The following ALK variants were observed in gnomAD, a reference collection of about 807,000 sequenced individuals.
ALK encodes the protein ALK receptor tyrosine kinase, also known as ALK tyrosine kinase receptor.
A neutral mutation model predicts 163.1 loss-of-function variants in ALK; 74 were observed. That is an observed-to-expected ratio of 0.45 (90% CI 0.38 to 0.55). The LOEUF (loss-of-function observed/expected upper bound fraction) is 0.55. Ranked by LOEUF, ALK falls within the 20% of genes least tolerant of loss-of-function variation. The pLI is 0.00. For missense variants in ALK, 2,063 were observed against 2,105.3 expected (o/e 0.98, Z 0.39); for synonymous variants, 960 against 843.2 (o/e 1.14, Z -2.40).
chr2:29,593,933 T>C (rs1337292878), intron 3 of ALK, among the ~76,000 whole-genome samples: 2 of 152,222 alleles, frequency 1.3e-5, no homozygotes, highest in Non-Finnish European at 2.9e-5. Context: ...TATTAAAATA[T>C]GCGAACTTAC....
chr2:29,460,004 A>C (rs1032466997), intron 4 of ALK, among the ~76,000 whole-genome samples: 1 of 152,166 alleles, frequency 6.6e-6, no homozygotes, highest in Admixed American at 6.5e-5. Flanking sequence ...GCAAGTACAC[A>C]GTGGATCCTC....
intron 4 of ALK, among the ~76,000 whole-genome samples, chr2:29,517,576 A>G (rs1672705495): frequency 6.6e-6 from 1 of 152,158 alleles, no homozygotes; most frequent in African/African-American, 2.4e-5. Context: ...TGATTGAAAA[A>G]GCATTAATCA....
intron 1 of ALK, among the ~76,000 whole-genome samples, chr2:29,787,444 C>T (rs1185455282): frequency 6.6e-6 from 1 of 152,182 alleles, no homozygotes; most frequent in Non-Finnish European, 1.5e-5. Context: ...TATACACTGG[C>T]ACCAAAGCAC....
chr2:29,216,889 ATTGG>A (rs1286361947), intron 23 of ALK, among the ~76,000 whole-genome samples: 3 of 117,960 alleles, frequency 2.5e-5, no homozygotes, highest in East Asian at 2.6e-4. Context: ...GGCATGTGTG[ATTGG>A]TTGTGAGTAT....
At chr2:29,636,567 C>T (rs1409230171) in intron 3 of ALK, among the ~76,000 whole-genome samples, 1 of 151,984 alleles carries the variant, frequency 6.6e-6, no homozygotes, top group African/African-American at 2.4e-5. Flanking sequence ...CACCAAAAAA[C>T]ACTATCTATA....
intron 3 of ALK, among the ~76,000 whole-genome samples, chr2:29,573,150 G>A (rs1464036740): frequency 6.6e-6 from 1 of 152,200 alleles, no homozygotes; most frequent in African/African-American, 2.4e-5. Context: ...TGTAAAACAA[G>A]ACTGTGGCTC....
At chr2:29,429,045 C>A (rs6723056) in intron 4 of ALK, among the ~76,000 whole-genome samples, 147,979 of 152,120 alleles carry the variant, frequency 0.97, 72,096 homozygotes, top group Middle Eastern at 1. Context: ...ATTCAACAAA[C>A]TTGAACACCG....
At chr2:29,485,823 T>C (rs2148121417) in intron 4 of ALK, among the ~76,000 whole-genome samples, 1 of 152,298 alleles carries the variant, frequency 6.6e-6, no homozygotes, top group Admixed American at 6.5e-5. Flanking sequence ...ACATTGTTCC[T>C]AGGACTGCAA....
intron 3 of ALK, among the ~76,000 whole-genome samples, chr2:29,628,834 A>T (rs561126865): frequency 6.6e-6 from 1 of 152,240 alleles, no homozygotes; most frequent in South Asian, 2.1e-4. Context: ...GAAAAAAAGG[A>T]GAGAGCATAA....
At chr2:29,500,520 C>A (rs1213584767) in intron 4 of ALK, among the ~76,000 whole-genome samples, 1 of 152,168 alleles carries the variant, frequency 6.6e-6, no homozygotes, top group Non-Finnish European at 1.5e-5. Context: ...AGAACTAATA[C>A]AATGGCCACC....
At chr2:29,451,599 T>A (rs1445896166) in intron 4 of ALK, among the ~76,000 whole-genome samples, 1 of 152,118 alleles carries the variant, frequency 6.6e-6, no homozygotes, top group Non-Finnish European at 1.5e-5. Flanking sequence ...CCCAAAAGAA[T>A]CTTACCTAGA....
At chr2:29,497,270 C>A (rs1311754177) in intron 4 of ALK, among the ~76,000 whole-genome samples, 1 of 124,300 alleles carries the variant, frequency 8.0e-6, no homozygotes, top group African/African-American at 3.0e-5. Context: ...GAAACTCCAT[C>A]TCAAAAAAGA....
chr2:29,889,229 G>A (rs1188627085), intron 1 of ALK, among the ~76,000 whole-genome samples: 1 of 146,818 alleles, frequency 6.8e-6, no homozygotes, highest in Non-Finnish European at 1.5e-5. Context: ...CTCTGCAGTG[G>A]AAAGAAAGGA....
intron 4 of ALK, among the ~76,000 whole-genome samples, chr2:29,483,155 C>T (rs112091711): frequency 6.6e-6 from 1 of 152,300 alleles, no homozygotes; most frequent in African/African-American, 2.4e-5. Flanking sequence ...AGCTGTATGA[C>T]CTGGGTAAGC....
intron 1 of ALK, among the ~76,000 whole-genome samples, chr2:29,803,548 TG>T (rs1664537224): frequency 6.6e-6 from 1 of 152,200 alleles, no homozygotes; most frequent in African/African-American, 2.4e-5. Flanking sequence ...AAAATAACAT[TG>T]GGCTGTCAGG....
intron 1 of ALK, among the ~76,000 whole-genome samples, chr2:29,765,512 A>G (rs540764841): frequency 1.7e-3 from 255 of 152,228 alleles, no homozygotes; most frequent in African/African-American, 6.0e-3. Flanking sequence ...GGGTCCCACT[A>G]CGTTGCCCAG....
Position 29,766,546 on chromosome 2 carries a change from G to C in ALK, c.668-48849C>G, listed in dbSNP as rs1181316577. Among the ~76,000 whole-genome samples the C allele has an allele frequency of 2.0e-5, 3 of 152,032 alleles. No individual in the cohort carries two copies. In the East Asian group the frequency reaches 5.8e-4, roughly 29 times the overall value. On this transcript the variant is annotated intron_variant, in intron 1 of 28. Coordinates refer to ENST00000389048, the MANE Select transcript of ALK (RefSeq NM_004304.5). Reference sequence around the variant, plus strand: ...CCTAGGCAGTGAATATTTCCCCTGGGTCTCCCAGCATTGCACAGACACCTC... The same window carrying C: ...CCTAGGCAGTGAATATTTCCCCTGGCTCTCCCAGCATTGCACAGACACCTC...
chr2:29,612,867 T>C (rs927479632), intron 3 of ALK, among the ~76,000 whole-genome samples: 1 of 152,190 alleles, frequency 6.6e-6, no homozygotes, highest in African/African-American at 2.4e-5. Flanking sequence ...CTTGCTGTAG[T>C]ACCTTCGGAA....
At chr2:29,202,749 A>G (rs1344397081) in intron 26 of ALK, among the ~76,000 whole-genome samples, 1 of 152,214 alleles carries the variant, frequency 6.6e-6, no homozygotes, top group Admixed American at 6.5e-5. Flanking sequence ...ATAGTTTTCC[A>G]TGATGTAAGT....
Sources: allele counts gnomAD v4.1 joint callset (sites outside exome capture counted in the v4.1 genomes callset), GRCh38; gene constraint gnomAD v4.1.1; transcripts MANE v1.5; gene names NCBI Gene and HGNC (gene_info 2026-07-23, HGNC 2026-07-21).